Variants in ATM observed in about 807,000 individuals in gnomAD.
ATM encodes serine-protein kinase ATM.
Under a neutral mutation model 387.0 loss-of-function variants are expected in ATM, and 308 were observed. The ratio of observed to expected loss-of-function variants is 0.80; its 90% confidence interval spans 0.73 to 0.87. ATM has a LOEUF of 0.87. Among genes scored for constraint, ATM ranks in the 40% least tolerant of loss-of-function variants. The probability of loss-of-function intolerance (pLI) is 0.00; values close to 1 mark genes in which losing one functional copy is unlikely to be tolerated. For synonymous variants in ATM, 1,156 were observed against 1,187.3 expected (o/e 0.97, Z 0.54); for missense variants, 3,312 against 3,560.9 (o/e 0.93, Z 1.78).
intron 16 of ATM, among the ~76,000 whole-genome samples, chr11:108,261,153 G>A (rs1487167525): frequency 1.3e-5 from 2 of 152,236 alleles, no homozygotes; most frequent in African/African-American, 4.8e-5. Flanking sequence ...AAGGAGGCCT[G>A]CCTGCCTCTG....
chr11:108,326,074 T>C lies in ATM; in HGVS notation c.6824T>C (p.Ile2275Thr), dbSNP rs1283858462. The C allele has an allele frequency of 2.4e-5, 39 of 1,614,124 alleles. No individual in the cohort carries two copies. Among genetic ancestry groups the C allele is most frequent in the Non-Finnish European group, 3.2e-5 (38 of 1,179,988 alleles). ...TCATTTCAGCTCCCTGAAAGGGCAA[T>C]ATTTCAAATTAAACAGTACAATTCA... ...FKNTQLPERA[I>T]FQIKQYNSVS... The change falls in exon 47 of 63, where the codon ATA becomes ACA. Residue 2275 changes from isoleucine (I) to threonine (T), a missense_variant. Physicochemically the swap from Ile to Thr is moderately conservative, Grantham distance 89. Around this residue, in one of 4 missense-constraint regions of ATM, gnomAD observed 1,405 missense variants for 1,604.4 expected, o/e 0.88. Coordinates refer to ENST00000675843, the MANE Select transcript of ATM (RefSeq NM_000051.4).
In ATM at chr11:108,303,006, C is replaced by T. The variant is rs1555106553; in HGVS notation, c.5473C>T (p.Gln1825Ter). 6.2e-7 allele frequency: 1 copy of T among 1,612,946 alleles called. No homozygotes were observed. The highest frequency in any genetic ancestry group is 8.5e-7 in the Non-Finnish European group (1 of 1,179,150). Residue 1825 changes from glutamine (Q) to a stop codon, truncating the protein, a stop_gained, in exon 36 of 63, where the codon CAA (glutamine) becomes TAA (stop). Coordinates refer to ENST00000675843, the MANE Select transcript of ATM (RefSeq NM_000051.4). LOFTEE classifies it high-confidence loss of function. Reference protein sequence around the residue: ...DSGGTKCEILQLLKPMCEVKT... With the variant: ...DSGGTKCEIL Reference sequence around the variant, plus strand: ...TGGAGGCACAAAATGTGAAATTCTTCAATTATTAAAGCCAATGTGTGAAGT... The same window carrying T: ...TGGAGGCACAAAATGTGAAATTCTTTAATTATTAAAGCCAATGTGTGAAGT...
chr11:108,255,281 G>T (rs1438988383), intron 13 of ATM, among the ~76,000 whole-genome samples: 1 of 151,918 alleles, frequency 6.6e-6, no homozygotes, highest in African/African-American at 2.4e-5. Flanking sequence ...CACCACAATT[G>T]TAACCACTTT....
intron 61 of ATM, among the ~76,000 whole-genome samples, chr11:108,364,411 T>G (rs907486669): frequency 1.3e-5 from 2 of 152,146 alleles, no homozygotes; most frequent in Non-Finnish European, 2.9e-5. Context: ...TTTCTAAAAT[T>G]TACGACCTAA....
intron 4 of ATM, chr11:108,231,642 G>A (rs1007790239): frequency 2.4e-4 from 35 of 144,098 alleles, no homozygotes; most frequent in African/African-American, 9.0e-4. Flanking sequence ...GTTGCAGTGA[G>A]CTGAGATTGT....
At chr11:108,359,469 C>T (rs1176455914) in intron 61 of ATM, among the ~76,000 whole-genome samples, 3 of 152,044 alleles carry the variant, frequency 2.0e-5, no homozygotes, top group Admixed American at 2.0e-4. Context: ...ACAGAACTCT[C>T]CACCCCAAAT....
intron 14 of ATM, 38 bp from the exon 15 acceptor site, chr11:108,257,443 T>G (rs773393659): frequency 1.9e-6 from 3 of 1,606,092 alleles, no homozygotes; most frequent in Non-Finnish European, 2.5e-6. Context: ...AACTATAATT[T>G]TAACTGGAAT....
At position 108,320,049 on chromosome 11, in the gene ATM, A is replaced by G. The variant is rs730881382; in HGVS notation, c.6443A>G (p.Lys2148Arg). The change falls in exon 44 of 63, where the codon AAA becomes AGA. Residue 2148 changes from lysine to arginine, a missense_variant. Physicochemically the swap from Lys to Arg is conservative, Grantham distance 26. Transcript: ENST00000675843. The stretch of plus-strand genomic sequence containing the variant: ...TTCTCTACATTTTATGAAAGTCTCA[A>G]ATATGCCAGGTATTATGAAAAGACA... The part of the protein sequence containing the change: ...REFSTFYESL[K>R]YARVKEVEEM... 18 of 1,589,528 alleles carry G rather than the reference A, an allele frequency of 1.1e-5. No homozygotes were observed. In the African/African-American group the frequency reaches 1.5e-4, roughly 13 times the overall value.
intron 13 of ATM, among the ~76,000 whole-genome samples, chr11:108,254,696 A>G (rs2080365065): frequency 6.6e-6 from 1 of 152,206 alleles, no homozygotes; most frequent in Non-Finnish European, 1.5e-5. Flanking sequence ...TCTGTTGCCC[A>G]GGCTGGAGTG....
At chr11:108,242,723 G>A (rs765421774) in intron 5 of ATM, among the ~76,000 whole-genome samples, 1 of 152,096 alleles carries the variant, frequency 6.6e-6, no homozygotes, top group African/African-American at 2.4e-5. Context: ...AGGTTTCTCT[G>A]TTATAACTCA....
In ATM at chr11:108,325,369, TTC is replaced by T. The variant is rs768909644; in HGVS notation, c.6635_6636del (p.Leu2212GlnfsTer4). ...ATTAAGTGGCAGAAACACTCCCAGC[TTC>T]TCAAGGACAGTGATTTTAGTTTTCA... On this transcript the variant is annotated frameshift_variant, in exon 46 of 63. Coordinates refer to ENST00000675843, the MANE Select transcript of ATM (RefSeq NM_000051.4). LOFTEE classifies it high-confidence loss of function. The T allele has an allele frequency of 6.2e-7, 1 of 1,613,644 alleles. No homozygotes were observed. The highest frequency in any genetic ancestry group is 8.5e-7 in the Non-Finnish European group (1 of 1,179,858).
chr11:108,351,094 C>T (rs781221173), intron 59 of ATM, among the ~76,000 whole-genome samples: 1 of 152,100 alleles, frequency 6.6e-6, no homozygotes, highest in Non-Finnish European at 1.5e-5. Flanking sequence ...TGAATAATAA[C>T]ACACAATATA....
At chr11:108,303,164 C>A in intron 36 of ATM, 135 bp downstream of exon 36, 1 of 937,924 alleles carries the variant, frequency 1.1e-6, no homozygotes, top group Non-Finnish European at 1.6e-6. Flanking sequence ...AGTGAGCATC[C>A]GTATTTAGTC....
intron 33 of ATM, among the ~76,000 whole-genome samples, chr11:108,298,967 T>A (rs1591698479): frequency 1.3e-5 from 2 of 152,296 alleles, no homozygotes; most frequent in Admixed American, 6.5e-5. Context: ...TAGCCAGGAA[T>A]AAATTTAATC....
chr11:108,362,796 T>G, intron 61 of ATM, among the ~76,000 whole-genome samples: 2 of 99,496 alleles, frequency 2.0e-5, no homozygotes, highest in East Asian at 6.8e-4. Flanking sequence ...CTGGGGACTG[T>G]GGTGGGGTGG....
At chr11:108,299,000 C>T (rs1252508738) in intron 33 of ATM, among the ~76,000 whole-genome samples, 1 of 152,162 alleles carries the variant, frequency 6.6e-6, no homozygotes, top group Admixed American at 6.5e-5. Flanking sequence ...AACTTATATA[C>T]ATTCTGTTTG....
At chr11:108,320,192 G>A in intron 44 of ATM, 134 bp downstream of exon 44, 1 of 704,566 alleles carries the variant, frequency 1.4e-6, no homozygotes. Flanking sequence ...GTGATCAGAT[G>A]TTTCCTTGTA....
chr11:108,308,664 G>A (rs950933932), intron 38 of ATM: 3 of 271,236 alleles, frequency 1.1e-5, no homozygotes, highest in Non-Finnish European at 2.1e-5. Context: ...TCATAAGTGT[G>A]TATGGTGGTG....
intron 55 of ATM, chr11:108,335,366 A>G (rs1199473404): frequency 8.6e-7 from 1 of 1,159,700 alleles, no homozygotes; most frequent in Non-Finnish European, 1.2e-6. Flanking sequence ...ATGTACAGTG[A>G]GGTTGCTTCT....
Sources: allele counts gnomAD v4.1 joint callset (sites outside exome capture counted in the v4.1 genomes callset), GRCh38; gene constraint gnomAD v4.1.1; regional missense constraint gnomAD v4.1.1; transcripts MANE v1.5; gene names NCBI Gene and HGNC (gene_info 2026-07-23, HGNC 2026-07-21).